BRAP: variants seen among roughly 807,000 people sequenced by gnomAD.
The protein encoded by BRAP is BRCA1-associated protein.
In BRAP, 42 loss-of-function variants were observed where a neutral mutation model predicts 73.4. The observed-to-expected ratio is 0.57, with a 90% CI of 0.45 to 0.74. The LOEUF is 0.74. Among genes scored for constraint, BRAP ranks in the 30% least tolerant of loss-of-function variants. The probability of loss-of-function intolerance (pLI) is 0.00; values close to 1 mark genes in which losing one functional copy is unlikely to be tolerated. For synonymous variants in BRAP, 255 were observed against 267.4 expected (o/e 0.95, Z 0.45); for missense variants, 593 against 751.4 (o/e 0.79, Z 2.46).
At chr12:111,678,303 A>G (rs543574541) in intron 4 of BRAP, among the ~76,000 whole-genome samples, 14 of 150,962 alleles carry the variant, frequency 9.3e-5, no homozygotes, top group Non-Finnish European at 1.5e-4. Flanking sequence ...AAATAATAAG[A>G]TGGTGTTAAC....
intron 5 of BRAP, among the ~76,000 whole-genome samples, chr12:111,671,625 T>C (rs1055060204): frequency 1.3e-5 from 2 of 150,196 alleles, no homozygotes; most frequent in East Asian, 2.0e-4. Context: ...TGGAAGGCCA[T>C]GGTGGGAAAA....
Position 111,679,230 on chromosome 12 carries a change from T to C in BRAP, c.554A>G (p.Asn185Ser). The C allele has an allele frequency of 4.3e-6, 7 of 1,611,126 alleles. No homozygotes were observed. Among genetic ancestry groups the C allele is most frequent in the Non-Finnish European group, 5.9e-6 (7 of 1,178,202 alleles). Residue 185 changes from asparagine (N) to serine (S), a missense_variant, in exon 4 of 12, where the codon AAC becomes AGC. Physicochemically the swap from Asn to Ser is conservative, Grantham distance 46. Transcript: ENST00000419234. ...AATTTTCATTTGTTCAATTACTTCG[T>C]TAAATGGGGCAACAAACTTCATAAG... ...HDLMKFVAPF[N>S]EVIEQMKIIR...
chr12:111,653,190 T>G (rs1886393265), intron 10 of BRAP, among the ~76,000 whole-genome samples: 1 of 152,082 alleles, frequency 6.6e-6, no homozygotes, highest in Non-Finnish European at 1.5e-5. Flanking sequence ...CAGAGTGAGA[T>G]CTTATCTCAA....
rs756364328 is a variant in BRAP at position 111,655,546 on chromosome 12, C to T, written c.1311+20G>A. 4 of 1,596,400 alleles carry T rather than the reference C, an allele frequency of 2.5e-6. No homozygotes were observed. The highest frequency in any genetic ancestry group is 3.4e-6 in the Non-Finnish European group (4 of 1,163,990). ...CTGCCATGTGTCATTTCCGCAGTCA[C>T]CCAAACCAAACAGACTTACTTCCTC... On this transcript the variant is annotated intron_variant, in intron 10 of 11. Coordinates refer to ENST00000419234, the MANE Select transcript of BRAP (RefSeq NM_006768.5).
At chr12:111,680,999 T>G (rs908941803) in intron 3 of BRAP, among the ~76,000 whole-genome samples, 1 of 152,230 alleles carries the variant, frequency 6.6e-6, no homozygotes, top group Non-Finnish European at 1.5e-5. Flanking sequence ...GGTGGGGACA[T>G]GAGACTACAA....
At chr12:111,680,085 T>C (rs1003980136) in intron 3 of BRAP, among the ~76,000 whole-genome samples, 5 of 151,180 alleles carry the variant, frequency 3.3e-5, no homozygotes, top group African/African-American at 1.2e-4. Context: ...GCCTCCCAAG[T>C]AGCTGGGATT....
chr12:111,675,933 C>T (rs1887362563), intron 4 of BRAP, among the ~76,000 whole-genome samples: 1 of 152,156 alleles, frequency 6.6e-6, no homozygotes, highest in East Asian at 1.9e-4. Flanking sequence ...AATTGAACTT[C>T]CTTCTGCTTT....
intron 10 of BRAP, among the ~76,000 whole-genome samples, chr12:111,653,092 C>A (rs562074530): frequency 5.9e-5 from 9 of 152,068 alleles, no homozygotes; most frequent in Non-Finnish European, 1.0e-4. Flanking sequence ...ACTAGGGAGA[C>A]TGAGGTGGGA....
intron 1 of BRAP, 124 bp from the exon 2 acceptor site, chr12:111,683,431 G>T: frequency 8.9e-7 from 1 of 1,129,680 alleles, no homozygotes. Flanking sequence ...AGAAGCCTTT[G>T]TAGTATCCAT....
chr12:111,655,237 G>A (rs1280293004), intron 10 of BRAP, among the ~76,000 whole-genome samples: 3 of 151,628 alleles, frequency 2.0e-5, no homozygotes. Context: ...CAAAGGCAGC[G>A]GTTCCCAAGT....
chr12:111,644,630 G>T, intron 11 of BRAP, 68 bp from the exon 12 acceptor site: 2 of 1,558,712 alleles, frequency 1.3e-6, no homozygotes, highest in African/African-American at 1.4e-5. Context: ...TTCTGCTCTG[G>T]GATTGAACAG....
At position 111,655,658 on chromosome 12, in the gene BRAP, A is replaced by G; in HGVS notation, c.1222-3T>C. On this transcript the variant is annotated splice_polypyrimidine_tract_variant and splice_region_variant and intron_variant, in intron 9 of 11. Transcript: ENST00000419234. ...TGGCTTGTTAGTAAATATGAATACT[A>G]GAAACATAGAGAATAAAGACCAAAA... 6.2e-7 allele frequency: 1 copy of G among 1,600,296 alleles called. No homozygotes were observed. Among genetic ancestry groups the G allele is most frequent in the Non-Finnish European group, 8.6e-7 (1 of 1,167,582 alleles).
intron 1 of BRAP, 87 bp downstream of exon 1, chr12:111,685,624 G>A: frequency 1.4e-6 from 2 of 1,441,780 alleles, no homozygotes; most frequent in Non-Finnish European, 1.8e-6. Context: ...CCTCGCCGCG[G>A]GCTTTTCCCG....
At chr12:111,671,384 C>T (rs1189471988) in intron 5 of BRAP, among the ~76,000 whole-genome samples, 1 of 151,698 alleles carries the variant, frequency 6.6e-6, no homozygotes, top group Admixed American at 6.6e-5. Flanking sequence ...ACCCCATCTC[C>T]ACTAAAAATA....
chr12:111,643,127 G>C lies in BRAP; in HGVS notation c.*1072C>G, dbSNP rs1885962274. 1 of 152,142 alleles carries C rather than the reference G, an allele frequency of 6.6e-6. No individual in the cohort carries two copies. Among genetic ancestry groups the C allele is most frequent in the Non-Finnish European group, 1.5e-5 (1 of 68,030 alleles). The allele number at this position is 152,142 out of a possible 1,614,324, so 9.4% of individuals were successfully genotyped here. A position where few individuals can be genotyped will look rare whatever the true frequency, so the allele number is the denominator to read the frequency against. On this transcript the variant is annotated 3_prime_UTR_variant, in exon 12 of 12. Transcript: ENST00000419234. ...TATTTGACATTTATGGTTCCAGAGAGAGTACACAGCCCCTCTGTTGGCCCA... is the reference window on the plus strand; with the variant it reads ...TATTTGACATTTATGGTTCCAGAGACAGTACACAGCCCCTCTGTTGGCCCA...
chr12:111,680,601 G>A (rs1887562759), intron 3 of BRAP, among the ~76,000 whole-genome samples: 1 of 151,830 alleles, frequency 6.6e-6, no homozygotes, highest in African/African-American at 2.4e-5. Flanking sequence ...TCTGAGGCAG[G>A]AGAATTGCTT....
chr12:111,672,790 G>C lies in BRAP; in HGVS notation c.634-16C>G. ...CCGCATCAGCCTATGTACACCAATG[G>C]GGAAAAGGAAAAAAATTAAGACAGA... On this transcript the variant is annotated splice_polypyrimidine_tract_variant and intron_variant, in intron 4 of 11. Coordinates refer to ENST00000419234, the MANE Select transcript of BRAP (RefSeq NM_006768.5). The C allele has an allele frequency of 1.3e-6, 2 of 1,598,358 alleles. No homozygotes were observed. Among genetic ancestry groups the C allele is most frequent in the Non-Finnish European group, 1.7e-6 (2 of 1,169,976 alleles).
Position 111,678,686 on chromosome 12 carries a change from A to ATT in BRAP, c.633+463_633+464dup, listed in dbSNP as rs748418829. ...AGAAACAAACAAAAAAACACACTAG[A>ATT]TTTTTTTTTTTTTTTTTTTTGAGAC... On this transcript the variant is annotated intron_variant, in intron 4 of 11. Coordinates refer to ENST00000419234, the MANE Select transcript of BRAP (RefSeq NM_006768.5). Among the ~76,000 whole-genome samples the ATT allele has an allele frequency of 3.1e-4, 39 of 125,950 alleles. 1 individual carries two copies. The highest frequency in any genetic ancestry group is 1.9e-3 in the East Asian group (7 of 3,752). The allele number at this position is 125,950 out of a possible 152,430, so 82.6% of individuals were successfully genotyped here.
chr12:111,675,769 C>T (rs1026022475), intron 4 of BRAP, among the ~76,000 whole-genome samples: 3 of 152,100 alleles, frequency 2.0e-5, no homozygotes, highest in Non-Finnish European at 2.9e-5. Flanking sequence ...CAAGTTCCTT[C>T]GCTGTCACAG....
Sources: gnomAD v4.1 joint callset for allele counts (sites outside exome capture counted in the v4.1 genomes callset) on GRCh38, gnomAD v4.1.1 for gene constraint, MANE v1.5 for transcripts, NCBI Gene and HGNC (gene_info 2026-07-23, HGNC 2026-07-21) for gene names.